HPSE2: variants seen among roughly 807,000 people sequenced by gnomAD.
HPSE2 encodes the protein inactive heparanase-2.
A neutral mutation model predicts 60.5 loss-of-function variants in HPSE2; 38 were observed. The ratio of observed to expected loss-of-function variants is 0.63; its 90% CI spans 0.48 to 0.82. The LOEUF (loss-of-function observed/expected upper bound fraction) is 0.82, where lower values mean the gene tolerates loss of function less well. Ranked by LOEUF, HPSE2 falls within the 40% of genes least tolerant of loss-of-function variation. The pLI is 0.00. For synonymous variants in HPSE2, 295 were observed against 293.2 expected (o/e 1.01, Z -0.06); for missense variants, 713 against 740.4 (o/e 0.96, Z 0.43).
intron 3 of HPSE2, among the ~76,000 whole-genome samples, chr10:99,018,934 T>C (rs1035994318): frequency 2.0e-5 from 3 of 152,196 alleles, no homozygotes; most frequent in African/African-American, 7.2e-5. Flanking sequence ...TTTAGAAATT[T>C]CAAAGAAATG....
intron 3 of HPSE2, among the ~76,000 whole-genome samples, chr10:98,854,567 C>G (rs1289349654): frequency 1.3e-5 from 2 of 152,154 alleles, no homozygotes; most frequent in South Asian, 2.1e-4. Context: ...ATGGATGTAC[C>G]TACTGCTACA....
At chr10:99,092,025 T>C (rs370234119) in intron 3 of HPSE2, among the ~76,000 whole-genome samples, 1 of 152,256 alleles carries the variant, frequency 6.6e-6, no homozygotes, top group African/African-American at 2.4e-5. Flanking sequence ...CATTCCAGTC[T>C]CAAGACTTGC....
At chr10:98,804,302 C>G (rs1950989683) in intron 3 of HPSE2, among the ~76,000 whole-genome samples, 1 of 151,902 alleles carries the variant, frequency 6.6e-6, no homozygotes, top group South Asian at 2.1e-4. Context: ...AGTTAAAACA[C>G]TTTTGCACAG....
At chr10:99,200,291 T>C (rs1848533019) in intron 2 of HPSE2, among the ~76,000 whole-genome samples, 1 of 152,182 alleles carries the variant, frequency 6.6e-6, no homozygotes, top group South Asian at 2.1e-4. Flanking sequence ...GATAGGCACC[T>C]GGAAACATGA....
chr10:98,467,921 C>CG (rs879314151), intron 11 of HPSE2, among the ~76,000 whole-genome samples: 319 of 152,342 alleles, frequency 2.1e-3, no homozygotes, highest in African/African-American at 7.1e-3. Flanking sequence ...GTGCAGAGAA[C>CG]GGGGGGTCCC....
chr10:98,506,703 T>A (rs921787127), intron 9 of HPSE2, among the ~76,000 whole-genome samples: 2 of 152,180 alleles, frequency 1.3e-5, no homozygotes, highest in Non-Finnish European at 2.9e-5. Context: ...CCTCAAGTGA[T>A]CCTCCCAGCT....
chr10:98,576,847 CT>C (rs554999991), intron 9 of HPSE2, among the ~76,000 whole-genome samples: 15 of 152,100 alleles, frequency 9.9e-5, no homozygotes, highest in South Asian at 4.2e-4. Flanking sequence ...ATTAGCCCTC[CT>C]TTTTTTATTG....
At chr10:98,918,085 T>A (rs567376227) in intron 3 of HPSE2, among the ~76,000 whole-genome samples, 1 of 152,328 alleles carries the variant, frequency 6.6e-6, no homozygotes, top group East Asian at 1.9e-4. Flanking sequence ...GTGAGGCAAG[T>A]AAGGCAACTG....
intron 3 of HPSE2, among the ~76,000 whole-genome samples, chr10:98,923,504 T>A (rs1438797975): frequency 6.6e-6 from 1 of 152,138 alleles, no homozygotes; most frequent in Non-Finnish European, 1.5e-5. Context: ...TTTCTCTACC[T>A]CCTCTTTAAA....
At chr10:98,492,652 G>A (rs1020223306) in intron 9 of HPSE2, among the ~76,000 whole-genome samples, 1 of 152,022 alleles carries the variant, frequency 6.6e-6, no homozygotes, top group African/African-American at 2.4e-5. Context: ...CTTGAAACCT[G>A]TCTGCTTTTC....
chr10:98,791,298 C>T (rs1950650286), intron 3 of HPSE2, among the ~76,000 whole-genome samples: 1 of 152,020 alleles, frequency 6.6e-6, no homozygotes, highest in South Asian at 2.1e-4. Flanking sequence ...AAGTACAAAG[C>T]CTTAACAAAA....
At position 98,584,040 on chromosome 10, in the gene HPSE2, G is replaced by A. The variant is rs113977171; in HGVS notation, c.1320+30864C>T. Among the ~76,000 whole-genome samples, 648 of 152,172 alleles carry A rather than the reference G, an allele frequency of 4.3e-3. 3 individuals carry two copies. The highest frequency in any genetic ancestry group is 0.015 in the African/African-American group (626 of 41,506). Reference sequence around the variant, plus strand: ...ATATACCTAGCAATGGAAATGCTGGGGCATATGGTAACTCTGTTTAACTTT... The same window carrying A: ...ATATACCTAGCAATGGAAATGCTGGAGCATATGGTAACTCTGTTTAACTTT... On this transcript the variant is annotated intron_variant, in intron 9 of 11. Coordinates refer to ENST00000370552, the MANE Select transcript of HPSE2 (RefSeq NM_021828.5).
At chr10:99,285,492 G>GAGGGAGGC in the HPSE2 span, among the ~76,000 whole-genome samples, 2 of 124,704 alleles carry the variant, frequency 1.6e-5, no homozygotes, top group Non-Finnish European at 1.7e-5. Flanking sequence ...GGGAGGGAGG[G>GAGGGAGGC]AGGGAGGGAA....
intron 2 of HPSE2, among the ~76,000 whole-genome samples, chr10:99,209,231 A>G (rs1848871048): frequency 6.6e-6 from 1 of 152,336 alleles, no homozygotes; most frequent in South Asian, 2.1e-4. Flanking sequence ...AGGATTGGTC[A>G]TATATTAGGC....
chr10:98,702,016 T>C (rs1017099120), intron 5 of HPSE2, among the ~76,000 whole-genome samples: 12 of 152,094 alleles, frequency 7.9e-5, no homozygotes, highest in African/African-American at 2.7e-4. Flanking sequence ...GGCTGTCAAA[T>C]TGGATAAAGA....
chr10:98,518,682 G>C (rs1432703542), intron 9 of HPSE2, among the ~76,000 whole-genome samples: 1 of 150,338 alleles, frequency 6.7e-6, no homozygotes, highest in Non-Finnish European at 1.5e-5. Flanking sequence ...ACTCCAGCCT[G>C]GGCCACAGAG....
At chr10:98,583,101 A>G (rs1480837203) in intron 9 of HPSE2, among the ~76,000 whole-genome samples, 2 of 152,198 alleles carry the variant, frequency 1.3e-5, no homozygotes. Flanking sequence ...CCAAAACTGC[A>G]TCAGCCTGCT....
At chr10:98,529,744 C>T (rs923300947) in intron 9 of HPSE2, among the ~76,000 whole-genome samples, 1 of 152,134 alleles carries the variant, frequency 6.6e-6, no homozygotes, top group African/African-American at 2.4e-5. Flanking sequence ...TTCTTATTAC[C>T]ACCAAATCTA....
chr10:99,226,198 GTCTC>G (rs201918381), intron 2 of HPSE2, among the ~76,000 whole-genome samples: 1 of 151,632 alleles, frequency 6.6e-6, no homozygotes, highest in African/African-American at 2.4e-5. Context: ...CTCTCTTCTT[GTCTC>G]TCTCTCTCTA....
Sources: gnomAD v4.1 joint callset for allele counts (sites outside exome capture counted in the v4.1 genomes callset) on GRCh38, gnomAD v4.1.1 for gene constraint, MANE v1.5 for transcripts, NCBI Gene and HGNC (gene_info 2026-07-23, HGNC 2026-07-21) for gene names.